Variants in DBNDD1 observed in about 807,000 individuals in gnomAD.
The protein encoded by DBNDD1 is dysbindin domain containing 1, also known as dysbindin domain-containing protein 1.
Under a neutral mutation model 17.0 loss-of-function variants are expected in DBNDD1, and 14 were observed. The observed-to-expected ratio is 0.82, with a 90% CI of 0.54 to 1.29. DBNDD1 has a LOEUF of 1.29. DBNDD1 is among the 50% of genes most tolerant of loss of function. The probability of loss-of-function intolerance (pLI) is 0.00; values close to 1 mark genes in which losing one functional copy is unlikely to be tolerated. For synonymous variants in DBNDD1, 105 were observed against 102.0 expected, an observed-to-expected ratio of 1.03 and a Z score of -0.18; for missense variants, 221 against 216.2, an observed-to-expected ratio of 1.02 and a Z score of -0.14.
intron 3 of DBNDD1, 123 bp from the exon 4 acceptor site, chr16:90,006,615 C>A: frequency 8.1e-7 from 1 of 1,241,074 alleles, no homozygotes; most frequent in Non-Finnish European, 1.1e-6. Flanking sequence ...CCCCCTGCAC[C>A]AGGCATGCAC....
intron 1 of DBNDD1, chr16:90,009,725 G>C (rs1331743230): frequency 6.4e-6 from 4 of 625,340 alleles, no homozygotes; most frequent in African/African-American, 1.8e-5. Flanking sequence ...CCATGCAGGC[G>C]TGGAAGTCCC....
intron 1 of DBNDD1, chr16:90,010,198 A>G: frequency 1.6e-6 from 1 of 634,742 alleles, no homozygotes; most frequent in Admixed American, 3.2e-5. Context: ...GGCATGCACC[A>G]GCACGCCCGG....
chr16:90,010,910 G>A (rs2035542683), intron 1 of DBNDD1, among the ~76,000 whole-genome samples: 1 of 152,006 alleles, frequency 6.6e-6, no homozygotes, highest in Non-Finnish European at 1.5e-5. Flanking sequence ...TATCTCTCAG[G>A]GAAGAGACAA....
chr16:90,011,129 G>A (rs2035547479), intron 1 of DBNDD1, among the ~76,000 whole-genome samples: 1 of 152,250 alleles, frequency 6.6e-6, no homozygotes, highest in Non-Finnish European at 1.5e-5. Flanking sequence ...ACCCTGTGGG[G>A]TATTTTTGGC....
chr16:90,010,119 C>T (rs911292073), intron 1 of DBNDD1: 2 of 1,437,018 alleles, frequency 1.4e-6, no homozygotes, highest in African/African-American at 1.4e-5. Context: ...AATCTCGGCT[C>T]ACTGCAACCT....
At chr16:90,010,085 AC>A (rs1417899360) in intron 1 of DBNDD1, 2 of 1,604,300 alleles carry the variant, frequency 1.2e-6, no homozygotes, top group African/African-American at 1.3e-5. Flanking sequence ...TCGCTCTGTC[AC>A]CCAGGCTGGA....
intron 1 of DBNDD1, among the ~76,000 whole-genome samples, chr16:90,015,563 A>G (rs148535002): frequency 3.5e-4 from 54 of 152,322 alleles, no homozygotes; most frequent in South Asian, 2.1e-3. Flanking sequence ...CTGCACATGC[A>G]TGTTCATAGC....
In DBNDD1 at chr16:90,008,877, C is replaced by A; in HGVS notation, c.226G>T (p.Asp76Tyr). The A allele has an allele frequency of 6.3e-7, 1 of 1,594,792 alleles. No homozygotes were observed. The highest frequency in any genetic ancestry group is 8.6e-7 in the Non-Finnish European group (1 of 1,168,160). Residue 76 changes from aspartate to tyrosine, a missense_variant, in exon 3 of 4, where the codon GAC becomes TAC. Coordinates refer to ENST00000002501, the MANE Select transcript of DBNDD1 (RefSeq NM_001042610.3). ...SSLEVHFDLL[D>Y]LTELTDMSDQ... The stretch of plus-strand genomic sequence containing the variant: ...GACATGTCGGTGAGCTCAGTGAGGT[C>A]CAGGAGGTCGAAGTGGACCTCCAGA...
At position 90,019,050 on chromosome 16, in the gene DBNDD1, C is replaced by T. The variant is rs1023225733; in HGVS notation, c.31+261G>A. Among the ~76,000 whole-genome samples the T allele has an allele frequency of 1.3e-5, 2 of 152,198 alleles. No homozygotes were observed. Among genetic ancestry groups the T allele is most frequent in the Non-Finnish European group, 2.9e-5 (2 of 68,020 alleles). The stretch of plus-strand genomic sequence containing the variant: ...GGGGGCTCAGGACGAAACTCCGGGC[C>T]ACCCACCAAGGAGCGTGCCGGGCAC... On this transcript the variant is annotated intron_variant, in intron 1 of 3. Coordinates refer to ENST00000002501, the MANE Select transcript of DBNDD1 (RefSeq NM_001042610.3). The surrounding 1 kb of genome is among the most constrained non-coding windows in gnomAD (Gnocchi z 6.1).
rs772618505 is a variant in DBNDD1, at chr16:90,013,525, GAT to G, written c.32-4097_32-4096del. ...AGCCTGTTCCTGATCATGGCGTGGA[GAT>G]GGGAACCAGGGATCCCGGTTCAGGG... On this transcript the variant is annotated intron_variant, in intron 1 of 3. Transcript: ENST00000002501. 2.6e-5 allele frequency among the ~76,000 whole-genome samples: 4 copies of G among 152,278 alleles called. No homozygotes were observed. The East Asian group carries it at 5.8e-4, about 22-fold the overall frequency.
chr16:90,018,676 A>AG (rs2035694245), intron 1 of DBNDD1, among the ~76,000 whole-genome samples: 1 of 152,174 alleles, frequency 6.6e-6, no homozygotes, highest in Non-Finnish European at 1.5e-5. Flanking sequence ...GTCCTGCAGT[A>AG]GGGCCTCCAC....
intron 1 of DBNDD1, among the ~76,000 whole-genome samples, chr16:90,018,909 C>G (rs909875568): frequency 2.6e-5 from 4 of 152,226 alleles, no homozygotes; most frequent in African/African-American, 9.6e-5. Context: ...GCGAACAAAG[C>G]GGACGCGCTT....
intron 2 of DBNDD1, 82 bp from the exon 3 acceptor site, chr16:90,009,006 C>T (rs2151260929): frequency 6.9e-7 from 1 of 1,442,272 alleles, no homozygotes; most frequent in Non-Finnish European, 9.1e-7. Context: ...AGAGAGTGTG[C>T]TGTGTCCTCC....
chr16:90,011,682 C>T lies in DBNDD1; in HGVS notation c.32-2252G>A, dbSNP rs767339706. On this transcript the variant is annotated intron_variant, in intron 1 of 3. Transcript: ENST00000002501. Reference sequence around the variant, plus strand: ...GGGCTCTCGCGGAATCTGGTTTCCACCTTTCCACTGGCATCTGGAATGAGG... The same window carrying T: ...GGGCTCTCGCGGAATCTGGTTTCCATCTTTCCACTGGCATCTGGAATGAGG... The T allele has an allele frequency of 3.7e-5, 17 of 455,278 alleles. 1 individual carries two copies. The highest frequency in any genetic ancestry group is 2.5e-4 in the South Asian group (16 of 64,450). The allele number at this position is 455,278 out of a possible 1,614,324, so 28.2% of individuals were successfully genotyped here.
At position 90,013,161 on chromosome 16, in the gene DBNDD1, G is replaced by A. The variant is rs62054580; in HGVS notation, c.32-3731C>T. ...GTGCACACCTGTGTGGCAGCTACTC[G>A]GGAAGCTGAGGCAGGAGGTCCGCCT... On this transcript the variant is annotated intron_variant, in intron 1 of 3. Coordinates refer to ENST00000002501, the MANE Select transcript of DBNDD1 (RefSeq NM_001042610.3). Among the ~76,000 whole-genome samples the A allele has an allele frequency of 9.0e-3, 1,348 of 150,510 alleles. 28 individuals are homozygous for A. The highest frequency in any genetic ancestry group is 0.032 in the African/African-American group (1,301 of 40,882).
In DBNDD1 at chr16:90,009,395, G is replaced by A; in HGVS notation, c.67C>T (p.Leu23=). Residue 23 remains leucine, a synonymous_variant, in exon 2 of 4, where the codon CTG becomes TTG. Transcript: ENST00000002501. ...VKEAEVPQAA[L]GVPAQGTGDN... is the part of the protein sequence containing the mutation. ...CCTGTCCCCTGGGCTGGGACGCCCA[G>A]CGCAGCCTGCGGCACCTCAGCCTCC... The A allele has an allele frequency of 6.2e-7, 1 of 1,612,822 alleles. No individual in the cohort carries two copies. The highest frequency in any genetic ancestry group is 8.5e-7 in the Non-Finnish European group (1 of 1,180,012).
intron 1 of DBNDD1, chr16:90,011,614 T>C (rs77381714): frequency 0.047 from 21,465 of 453,702 alleles, 782 homozygotes; most frequent in Non-Finnish European, 0.07. Flanking sequence ...TGCTGTGTCA[T>C]GGCATGGCCC....
chr16:90,006,625 C>T, intron 3 of DBNDD1, 133 bp from the exon 4 acceptor site: 2 of 1,178,448 alleles, frequency 1.7e-6, no homozygotes, highest in Non-Finnish European at 2.4e-6. Context: ...CAGGCATGCA[C>T]ACATCTACCT....
intron 2 of DBNDD1, 146 bp downstream of exon 2, chr16:90,009,138 G>T: frequency 7.6e-7 from 1 of 1,307,906 alleles, no homozygotes; most frequent in Non-Finnish European, 1.0e-6. Context: ...GAGGCTCAGA[G>T]AACCAGAGCT....
Sources: gnomAD v4.1 joint callset for allele counts (sites outside exome capture counted in the v4.1 genomes callset) on GRCh38, gnomAD v4.1.1 for gene constraint, Gnocchi (gnomAD v3.1) non-coding constraint, MANE v1.5 for transcripts, NCBI Gene and HGNC (gene_info 2026-07-23, HGNC 2026-07-21) for gene names.